Variants in TAF3 observed in about 807,000 individuals in gnomAD.
The protein encoded by TAF3 is transcription initiation factor TFIID subunit 3.
In TAF3, 7 loss-of-function variants were observed where a neutral mutation model predicts 80.6. The ratio of observed to expected loss-of-function variants is 0.09; its 90% CI spans 0.05 to 0.16. The LOEUF is 0.16. Among genes scored for constraint, TAF3 ranks in the 10% least tolerant of loss-of-function variants. The pLI is 1.00. For missense variants in TAF3, 921 were observed against 1,140.2 expected (o/e 0.81, Z 2.77); for synonymous variants, 444 against 446.1 (o/e 1.00, Z 0.06).
chr10:7,975,268 A>G (rs1023609706), intron 3 of TAF3, among the ~76,000 whole-genome samples: 1 of 152,114 alleles, frequency 6.6e-6, no homozygotes, highest in Non-Finnish European at 1.5e-5. Flanking sequence ...CCTCACCGGT[A>G]TTTCCTGTGG....
chr10:7,872,660 G>C (rs974979917), intron 2 of TAF3, among the ~76,000 whole-genome samples: 6 of 152,140 alleles, frequency 3.9e-5, no homozygotes, highest in African/African-American at 1.2e-4. Flanking sequence ...ATTCTTGCAG[G>C]GTTTTCAAAA....
chr10:7,890,945 A>C (rs1275604258), intron 2 of TAF3, among the ~76,000 whole-genome samples: 1 of 152,342 alleles, frequency 6.6e-6, no homozygotes, highest in East Asian at 1.9e-4. Flanking sequence ...AGCTGGGAAA[A>C]ACTAGTTTGA....
intron 2 of TAF3, among the ~76,000 whole-genome samples, chr10:7,848,279 A>G (rs1242736887): frequency 6.6e-6 from 1 of 152,192 alleles, no homozygotes; most frequent in African/African-American, 2.4e-5. Flanking sequence ...GTACAGTCCT[A>G]ATTATGTCTG....
At chr10:7,910,579 C>G (rs150863179) in intron 2 of TAF3, among the ~76,000 whole-genome samples, 2 of 152,252 alleles carry the variant, frequency 1.3e-5, no homozygotes, top group African/African-American at 4.8e-5. Flanking sequence ...CAGGGTTTCA[C>G]CATGTTGGCC....
intron 4 of TAF3, among the ~76,000 whole-genome samples, chr10:7,980,036 T>A (rs546775986): frequency 4.7e-4 from 72 of 152,298 alleles, no homozygotes; most frequent in Non-Finnish European, 9.4e-4. Flanking sequence ...CATGGCTTAG[T>A]CCATGGTGAT....
chr10:7,901,115 A>G (rs970821978), intron 2 of TAF3, among the ~76,000 whole-genome samples: 3 of 152,222 alleles, frequency 2.0e-5, no homozygotes, highest in East Asian at 1.9e-4. Context: ...ATAAACCTGT[A>G]TCTTTTATGG....
intron 2 of TAF3, among the ~76,000 whole-genome samples, chr10:7,940,462 A>G (rs1837965930): frequency 6.6e-6 from 1 of 152,232 alleles, no homozygotes; most frequent in Non-Finnish European, 1.5e-5. Flanking sequence ...GCCTTTGATA[A>G]GCTTATAGTT....
At chr10:7,900,681 T>G (rs934780010) in intron 2 of TAF3, among the ~76,000 whole-genome samples, 1 of 152,212 alleles carries the variant, frequency 6.6e-6, no homozygotes, top group Non-Finnish European at 1.5e-5. Context: ...TTTATAAAAA[T>G]TTTTATTTCT....
At position 7,821,295 on chromosome 10, in the gene TAF3, A is replaced by G. The variant is rs1836688137; in HGVS notation, c.166+2420A>G. Among the ~76,000 whole-genome samples the G allele has an allele frequency of 2.0e-5, 3 of 152,242 alleles. No individual in the cohort carries two copies. The South Asian group carries it at 6.2e-4, about 32-fold the overall frequency. On this transcript the variant is annotated intron_variant, in intron 1 of 6. Transcript: ENST00000344293. ...CTTTTTTCTATACCAGCCTTATTCT[A>G]AAATCAAATTCTGTAGCTCCAGGTT...
chr10:7,955,006 G>T (rs1008693015), intron 2 of TAF3, among the ~76,000 whole-genome samples: 1 of 151,744 alleles, frequency 6.6e-6, no homozygotes, highest in Non-Finnish European at 1.5e-5. Context: ...ATAGGTGAAT[G>T]AATGAATTAG....
chr10:7,926,946 T>C (rs1837821618), intron 2 of TAF3, among the ~76,000 whole-genome samples: 1 of 152,208 alleles, frequency 6.6e-6, no homozygotes, highest in Admixed American at 6.5e-5. Flanking sequence ...ATATTATCAC[T>C]AGTGGTATTC....
At chr10:7,896,642 C>A (rs1837507224) in intron 2 of TAF3, among the ~76,000 whole-genome samples, 1 of 152,158 alleles carries the variant, frequency 6.6e-6, no homozygotes, top group African/African-American at 2.4e-5. Context: ...ATACTTTTTC[C>A]TTCAGTATTG....
At chr10:8,011,688 C>T (rs1418212386) in intron 5 of TAF3, among the ~76,000 whole-genome samples, 2 of 152,146 alleles carry the variant, frequency 1.3e-5, no homozygotes, top group Admixed American at 6.6e-5. Context: ...GCAACATCAC[C>T]CCCAAATGGG....
chr10:8,009,252 C>T lies in TAF3; in HGVS notation c.2490C>T (p.Ser830=). The part of the protein sequence containing the change: ...QAAAGPALLP[S]PGPAASGASA... ...CCGCGGGCCCTGCCCTGCTGCCCTC[C>T]CCGGGTCCCGCCGCCTCCGGGGCCA... The change falls in exon 5 of 7, where the codon TCC becomes TCT. Residue 830 remains serine (S), a synonymous_variant. Coordinates refer to ENST00000344293, the MANE Select transcript of TAF3 (RefSeq NM_031923.4). The surrounding 1 kb of genome is among the most constrained non-coding windows in gnomAD (Gnocchi z 4.1). 2 of 1,534,260 alleles carry T rather than the reference C, an allele frequency of 1.3e-6. No individual in the cohort carries two copies. Among genetic ancestry groups the T allele is most frequent in the Non-Finnish European group, 1.7e-6 (2 of 1,143,012 alleles).
At chr10:7,834,292 G>C (rs1836829619) in intron 2 of TAF3, among the ~76,000 whole-genome samples, 1 of 152,132 alleles carries the variant, frequency 6.6e-6, no homozygotes, top group Admixed American at 6.5e-5. Context: ...GTGTCTTACA[G>C]TTTTTCCCCT....
Position 8,016,277 on chromosome 10 carries a change from A to C in TAF3, c.*1526A>C, listed in dbSNP as rs1442565944. 1 of 152,212 alleles carries C rather than the reference A, an allele frequency of 6.6e-6. No individual in the cohort carries two copies. The highest frequency in any genetic ancestry group is 2.4e-5 in the African/African-American group (1 of 41,460). The allele number at this position is 152,212 out of a possible 1,614,324, so 9.4% of individuals were successfully genotyped here. A position where few individuals can be genotyped will look rare whatever the true frequency, so the allele number is the denominator to read the frequency against. On this transcript the variant is annotated 3_prime_UTR_variant, in exon 7 of 7. Transcript: ENST00000344293. Reference sequence around the variant, plus strand: ...ATTACTAGAAAATGTGATTTTTTTAAATGCCAAGTAAATTGATATTAGTGT... The same window carrying C: ...ATTACTAGAAAATGTGATTTTTTTACATGCCAAGTAAATTGATATTAGTGT...
At chr10:7,909,440 T>G (rs1380671447) in intron 2 of TAF3, among the ~76,000 whole-genome samples, 1 of 152,202 alleles carries the variant, frequency 6.6e-6, no homozygotes, top group Non-Finnish European at 1.5e-5. Flanking sequence ...ATTAAAGACT[T>G]GATTCTACCA....
chr10:7,995,159 A>G (rs1046229989), intron 4 of TAF3, among the ~76,000 whole-genome samples: 2 of 152,100 alleles, frequency 1.3e-5, no homozygotes, highest in Non-Finnish European at 2.9e-5. Context: ...TTGCTCTTAA[A>G]ATACATTTCA....
chr10:7,831,390 G>C (rs1836798365), intron 2 of TAF3, among the ~76,000 whole-genome samples: 1 of 151,966 alleles, frequency 6.6e-6, no homozygotes, highest in African/African-American at 2.4e-5. Flanking sequence ...CCATCGCCGA[G>C]GCTGGAGTGC....
Sources: allele counts gnomAD v4.1 joint callset (sites outside exome capture counted in the v4.1 genomes callset), GRCh38; gene constraint gnomAD v4.1.1; non-coding constraint Gnocchi (gnomAD v3.1); transcripts MANE v1.5; gene names NCBI Gene and HGNC (gene_info 2026-07-23, HGNC 2026-07-21).